Variants in OR1J2 observed in about 807,000 individuals in gnomAD.
OR1J2 encodes olfactory receptor 1J2.
For synonymous variants in OR1J2, 142 were observed against 99.7 expected, an observed-to-expected ratio of 1.42 and a Z score of -2.52; for missense variants, 304 against 246.1, an observed-to-expected ratio of 1.24 and a Z score of -1.57.
chr9:122,535,797 A>G, the OR1J2 span, among the ~76,000 whole-genome samples: 1 of 152,148 alleles, frequency 6.6e-6, no homozygotes, highest in Non-Finnish European at 1.5e-5. Flanking sequence ...GTGAGCAACA[A>G]GGCTGTTTAT....
chr9:122,553,050 G>A, the OR1J2 span: 368,390 of 732,790 alleles, frequency 0.5, 94,033 homozygotes, highest in East Asian at 0.62. Context: ...TGCATTCCCA[G>A]TGAGATTCAG....
At chr9:122,485,939 T>C in the OR1J2 span, among the ~76,000 whole-genome samples, 3 of 151,890 alleles carry the variant, frequency 2.0e-5, no homozygotes, top group Admixed American at 6.6e-5. Flanking sequence ...TTTCAAATAA[T>C]ATTCACCTGT....
chr9:122,540,131 T>C, the OR1J2 span, among the ~76,000 whole-genome samples: 2 of 151,884 alleles, frequency 1.3e-5, no homozygotes, highest in Non-Finnish European at 2.9e-5. Flanking sequence ...TAGATCCCAT[T>C]TGTCAATTTT....
chr9:122,452,263 G>A, the OR1J2 span, among the ~76,000 whole-genome samples: 7 of 152,206 alleles, frequency 4.6e-5, no homozygotes, highest in East Asian at 1.9e-4. Flanking sequence ...AGTTTGAGCC[G>A]GTTAAGGATC....
chr9:122,466,138 C>G, the OR1J2 span, among the ~76,000 whole-genome samples: 1 of 152,114 alleles, frequency 6.6e-6, no homozygotes, highest in Admixed American at 6.6e-5. Flanking sequence ...GGCCCAGGCT[C>G]CTTGATGTGA....
At chr9:122,542,687 T>C in the OR1J2 span, among the ~76,000 whole-genome samples, 1 of 152,212 alleles carries the variant, frequency 6.6e-6, no homozygotes, top group East Asian at 1.9e-4. Flanking sequence ...TGGGGTATTA[T>C]TTACATAAAA....
At chr9:122,578,033 G>T in the OR1J2 span, among the ~76,000 whole-genome samples, 1 of 152,166 alleles carries the variant, frequency 6.6e-6, no homozygotes, top group African/African-American at 2.4e-5. Context: ...TTACACTGCT[G>T]GTGAGAATGT....
chr9:122,484,949 G>A, the OR1J2 span, among the ~76,000 whole-genome samples: 7 of 152,202 alleles, frequency 4.6e-5, no homozygotes, highest in African/African-American at 9.6e-5. Context: ...TGGGAGGGTC[G>A]CTTGAGCTCG....
chr9:122,503,217 G>A, the OR1J2 span, among the ~76,000 whole-genome samples: 17,538 of 152,198 alleles, frequency 0.12, 1,131 homozygotes, highest in East Asian at 0.2. Flanking sequence ...AAGGCATGGC[G>A]GAGGGAAAGG....
At chr9:122,519,384 T>A in the OR1J2 span, 1 of 1,614,170 alleles carries the variant, frequency 6.2e-7, no homozygotes. Context: ...CCCAAAGATG[T>A]TATTAAGCAT....
chr9:122,477,878 G>A, the OR1J2 span: 5 of 1,612,100 alleles, frequency 3.1e-6, no homozygotes, highest in East Asian at 4.5e-5. Flanking sequence ...CGGATGGGGA[G>A]GCCCAGGAGG....
chr9:122,527,038 G>C, the OR1J2 span: 1 of 1,614,144 alleles, frequency 6.2e-7, no homozygotes, highest in Non-Finnish European at 8.5e-7. Flanking sequence ...GTGTGATGCC[G>C]AGTCTGTATA....
At chr9:122,473,669 T>G in the OR1J2 span, among the ~76,000 whole-genome samples, 5 of 149,188 alleles carry the variant, frequency 3.4e-5, no homozygotes, top group African/African-American at 7.6e-5. Context: ...CAATGCATAA[T>G]AGATCTGAAA....
the OR1J2 span, among the ~76,000 whole-genome samples, chr9:122,550,483 A>G: frequency 2.0e-5 from 3 of 152,182 alleles, no homozygotes; most frequent in Non-Finnish European, 4.4e-5. Flanking sequence ...GTGACAATAG[A>G]TGCAAAAATT....
the OR1J2 span, among the ~76,000 whole-genome samples, chr9:122,551,486 T>C: frequency 6.6e-6 from 1 of 152,264 alleles, no homozygotes; most frequent in African/African-American, 2.4e-5. Context: ...ATAGTTGTGT[T>C]TTAGTTTATA....
At chr9:122,482,350 A>G in the OR1J2 span, among the ~76,000 whole-genome samples, 2 of 152,202 alleles carry the variant, frequency 1.3e-5, no homozygotes, top group Non-Finnish European at 2.9e-5. Flanking sequence ...AATGGTTATT[A>G]TCAAAAAGAC....
the OR1J2 span, among the ~76,000 whole-genome samples, chr9:122,534,564 C>T: frequency 6.6e-6 from 1 of 152,102 alleles, no homozygotes; most frequent in South Asian, 2.1e-4. Context: ...CCGAACGAAA[C>T]TGTAAGCCGG....
At chr9:122,457,744 A>C in the OR1J2 span, among the ~76,000 whole-genome samples, 1 of 152,180 alleles carries the variant, frequency 6.6e-6, no homozygotes, top group Non-Finnish European at 1.5e-5. Context: ...AATATTAATA[A>C]AGGGATGGGA....
At chr9:122,578,892 C>G in the OR1J2 span, among the ~76,000 whole-genome samples, 1 of 152,052 alleles carries the variant, frequency 6.6e-6, no homozygotes, top group Non-Finnish European at 1.5e-5. Flanking sequence ...GAAATCACCA[C>G]TAACGAACTT....
Sources: allele counts gnomAD v4.1 joint callset (sites outside exome capture counted in the v4.1 genomes callset), GRCh38; gene constraint gnomAD v4.1.1; transcripts MANE v1.5; gene names NCBI Gene and HGNC (gene_info 2026-07-23, HGNC 2026-07-21).